Variants in ESRRG observed in about 807,000 individuals in gnomAD.
ESRRG encodes estrogen related receptor gamma.
In ESRRG, 13 loss-of-function variants were observed where a neutral mutation model predicts 44.0. That is an observed-to-expected ratio of 0.30 (90% CI 0.19 to 0.47). ESRRG has a LOEUF of 0.47. Ranked by LOEUF, ESRRG falls within the 20% of genes least tolerant of loss-of-function variation. The pLI is 1.00. For missense variants in ESRRG, 395 were observed against 580.6 expected (o/e 0.68, Z 3.29); for synonymous variants, 215 against 214.6 (o/e 1.00, Z -0.02).
rs574650681 is a variant in ESRRG at position 216,634,522 on chromosome 1, C to CA, written c.589+16450dup. Among the ~76,000 whole-genome samples the CA allele has an allele frequency of 3.1e-3, 479 of 152,228 alleles. 3 individuals carry two copies. The highest frequency in any genetic ancestry group is 0.011 in the African/African-American group (446 of 41,560). The stretch of plus-strand genomic sequence containing the variant: ...TACAATTCTCCCTAGAGAAAAAACT[C>CA]AAACAATTTGAAGTCTTCACAAACT... On this transcript the variant is annotated intron_variant, in intron 3 of 6. Transcript: ENST00000408911.
chr1:217,091,569 C>G (rs1213251657), upstream of ESRRG, among the ~76,000 whole-genome samples: 1 of 152,190 alleles, frequency 6.6e-6, no homozygotes, highest in East Asian at 1.9e-4. Context: ...CTAAGAGGGT[C>G]TGAGGACTAT....
intron 2 of ESRRG, among the ~76,000 whole-genome samples, chr1:216,766,743 A>G (rs1211368915): frequency 6.6e-6 from 1 of 152,086 alleles, no homozygotes; most frequent in East Asian, 1.9e-4. Flanking sequence ...TATTGCCAGC[A>G]TTTATATAAA....
At chr1:216,613,522 T>C (rs2060964718) in intron 3 of ESRRG, among the ~76,000 whole-genome samples, 1 of 152,200 alleles carries the variant, frequency 6.6e-6, no homozygotes, top group Non-Finnish European at 1.5e-5. Context: ...GGAAAGCACC[T>C]TAAAATCTTT....
chr1:216,621,488 A>T (rs1453456001), intron 3 of ESRRG, among the ~76,000 whole-genome samples: 1 of 152,170 alleles, frequency 6.6e-6, no homozygotes. Flanking sequence ...TGTGTTGGGT[A>T]TGTGATGGTA....
intron 2 of ESRRG, among the ~76,000 whole-genome samples, chr1:216,833,119 G>T (rs1437357105): frequency 6.6e-6 from 1 of 151,990 alleles, no homozygotes; most frequent in African/African-American, 2.4e-5. Context: ...ACTAACACTT[G>T]CAGTTCCAGC....
intron 2 of ESRRG, among the ~76,000 whole-genome samples, chr1:216,736,721 A>T (rs776514792): frequency 1.8e-4 from 28 of 152,214 alleles, no homozygotes; most frequent in Non-Finnish European, 3.2e-4. Flanking sequence ...ACACCAGCAG[A>T]ATCTCCATCA....
In ESRRG at chr1:216,745,316, T is replaced by A. The variant is rs1162986716; in HGVS notation, c.-13-67825A>T. 2.6e-5 allele frequency among the ~76,000 whole-genome samples: 4 copies of A among 151,442 alleles called. 1 individual carries two copies. Among genetic ancestry groups the A allele is most frequent in the African/African-American group, 9.8e-5 (4 of 40,950 alleles). ...TTGGGACAACAGGCACACACCATCA[T>A]GCACACCTATGTGGTTTGTTTGTTT... On this transcript the variant is annotated intron_variant, in intron 2 of 7. Coordinates refer to the ESRRG transcript ENST00000359162.
At chr1:216,861,529 A>G (rs1027951841) in intron 2 of ESRRG, among the ~76,000 whole-genome samples, 1 of 152,076 alleles carries the variant, frequency 6.6e-6, no homozygotes, top group Non-Finnish European at 1.5e-5. Flanking sequence ...AGCAAAAAAA[A>G]TTTTAACAGT....
chr1:217,032,559 A>G (rs1221581868), intron 1 of ESRRG, among the ~76,000 whole-genome samples: 1 of 152,226 alleles, frequency 6.6e-6, no homozygotes, highest in Non-Finnish European at 1.5e-5. Flanking sequence ...AGAACTCAAC[A>G]TGATCCAGCT....
chr1:216,990,980 A>G (rs2075602485), intron 1 of ESRRG, among the ~76,000 whole-genome samples: 6 of 151,968 alleles, frequency 3.9e-5, no homozygotes, highest in Admixed American at 3.9e-4. Flanking sequence ...GCCTGTTAGG[A>G]AACTGGTTGC....
At chr1:217,094,330 C>A (rs2092393522), upstream of ESRRG, among the ~76,000 whole-genome samples, 1 of 152,116 alleles carries the variant, frequency 6.6e-6, no homozygotes, top group African/African-American at 2.4e-5. Flanking sequence ...ATGGATCCAA[C>A]CTATTTTGCC....
intron 2 of ESRRG, among the ~76,000 whole-genome samples, chr1:216,735,817 A>T (rs1426988312): frequency 3.3e-5 from 5 of 151,558 alleles, no homozygotes; most frequent in African/African-American, 1.2e-4. Context: ...CGTCTCTACT[A>T]AAAATACAAA....
At chr1:216,542,067 T>C (rs2052993734) in intron 5 of ESRRG, among the ~76,000 whole-genome samples, 1 of 127,884 alleles carries the variant, frequency 7.8e-6, no homozygotes, top group Admixed American at 8.3e-5. Context: ...GGTGTGTGTC[T>C]ATGACAGAGA....
intron 2 of ESRRG, among the ~76,000 whole-genome samples, chr1:216,657,224 G>A (rs1164275713): frequency 1.3e-5 from 2 of 152,106 alleles, no homozygotes; most frequent in Non-Finnish European, 2.9e-5. Flanking sequence ...TTATGGAATA[G>A]TAATTTATTC....
chr1:216,672,404 TG>T (rs1455523232), intron 2 of ESRRG, among the ~76,000 whole-genome samples: 1 of 152,222 alleles, frequency 6.6e-6, no homozygotes, highest in Non-Finnish European at 1.5e-5. Context: ...CATGATTAAT[TG>T]TCTTTCACAA....
intron 2 of ESRRG, among the ~76,000 whole-genome samples, chr1:216,908,285 C>A (rs1388093169): frequency 6.6e-6 from 1 of 152,188 alleles, no homozygotes; most frequent in Non-Finnish European, 1.5e-5. Flanking sequence ...AGGCAAACAG[C>A]ACTCTGCATG....
At chr1:216,868,911 G>T (rs1020787312) in intron 2 of ESRRG, among the ~76,000 whole-genome samples, 1 of 151,892 alleles carries the variant, frequency 6.6e-6, no homozygotes, top group East Asian at 1.9e-4. Context: ...TTAAAATTAG[G>T]TTGTTAGTTT....
intron 1 of ESRRG, among the ~76,000 whole-genome samples, chr1:216,991,258 C>G (rs1481144254): frequency 1.3e-5 from 2 of 152,114 alleles, no homozygotes; most frequent in Non-Finnish European, 2.9e-5. Context: ...AGGTTGGGGA[C>G]TGTTGCTATA....
At chr1:216,768,907 C>G (rs1305397699) in intron 2 of ESRRG, among the ~76,000 whole-genome samples, 1 of 151,930 alleles carries the variant, frequency 6.6e-6, no homozygotes, top group African/African-American at 2.4e-5. Flanking sequence ...GAATTAAATC[C>G]CCCCCATATA....
Sources: gnomAD v4.1 joint callset for allele counts (sites outside exome capture counted in the v4.1 genomes callset) on GRCh38, gnomAD v4.1.1 for gene constraint, MANE v1.5 for transcripts, NCBI Gene and HGNC (gene_info 2026-07-23, HGNC 2026-07-21) for gene names.